Variants in CCDC40 observed in about 807,000 individuals in gnomAD.
The protein encoded by CCDC40 is coiled-coil domain-containing protein 40.
Under a neutral mutation model 124.5 loss-of-function variants are expected in CCDC40, and 104 were observed. The observed-to-expected ratio is 0.84, with a 90% CI of 0.71 to 0.98. CCDC40 has a LOEUF of 0.98. CCDC40 is among the 50% of genes least tolerant of loss of function. The pLI is 0.00. For missense variants in CCDC40, 1,463 were observed against 1,503.9 expected (o/e 0.97, Z 0.45); for synonymous variants, 580 against 602.9 (o/e 0.96, Z 0.56).
chr17:80,053,466 T>G (rs1307928516), intron 7 of CCDC40, among the ~76,000 whole-genome samples: 1 of 152,238 alleles, frequency 6.6e-6, no homozygotes, highest in African/African-American at 2.4e-5. Context: ...TTTCTGGCTT[T>G]CTTTTTGACC....
At chr17:80,040,377 T>A in intron 3 of CCDC40, 107 bp downstream of exon 3, 1 of 1,101,848 alleles carries the variant, frequency 9.1e-7, no homozygotes, top group Non-Finnish European at 1.3e-6. Context: ...TTGCAATCCC[T>A]GTTAGAAATG....
intron 9 of CCDC40, among the ~76,000 whole-genome samples, chr17:80,060,345 C>G (rs1215528098): frequency 6.6e-6 from 1 of 151,740 alleles, no homozygotes; most frequent in South Asian, 2.1e-4. Context: ...AAGTTCAAGA[C>G]CAGACTGGGC....
intron 10 of CCDC40, among the ~76,000 whole-genome samples, chr17:80,072,984 T>TTTAG (rs1568698333): frequency 6.7e-6 from 1 of 148,858 alleles, no homozygotes; most frequent in Non-Finnish European, 1.5e-5. Context: ...GTGGAATCGC[T>TTTAG]TTTGTTTGTT....
At chr17:80,049,879 A>G (rs776283836) in intron 5 of CCDC40, 27 bp from the exon 6 acceptor site, 1 of 1,604,682 alleles carries the variant, frequency 6.2e-7, no homozygotes, top group South Asian at 1.1e-5. Context: ...CAGAAAGGTA[A>G]CCACCTGTGG....
At chr17:80,095,553 G>A (rs2038796452) in intron 18 of CCDC40, 102 bp downstream of exon 18, 3 of 1,124,110 alleles carry the variant, frequency 2.7e-6, no homozygotes. Flanking sequence ...AGGATGCAGA[G>A]GCTGCAGTGG....
At chr17:80,092,643 C>T (rs1031904956) in intron 17 of CCDC40, among the ~76,000 whole-genome samples, 4 of 152,142 alleles carry the variant, frequency 2.6e-5, no homozygotes, top group African/African-American at 2.4e-5. Context: ...CAGGGTTTCG[C>T]TCTGTCACCC....
intron 10 of CCDC40, chr17:80,067,660 A>G (rs766719548): frequency 1.3e-6 from 2 of 1,536,084 alleles, no homozygotes; most frequent in South Asian, 2.4e-5. Flanking sequence ...GCTGCTGTAG[A>G]TAACCGGATC....
chr17:80,080,357 C>A (rs1032933519), intron 10 of CCDC40, among the ~76,000 whole-genome samples: 1 of 152,186 alleles, frequency 6.6e-6, no homozygotes, highest in Admixed American at 6.5e-5. Flanking sequence ...GAGGCAAGAT[C>A]GTGCCTCTGC....
intron 10 of CCDC40, 67 bp from the exon 11 acceptor site, chr17:80,081,479 C>T (rs2038447257): frequency 3.8e-5 from 61 of 1,604,250 alleles, no homozygotes; most frequent in East Asian, 1.8e-4. Context: ...TCGTGTGGGG[C>T]GCAGCTCTGT....
rs534098655 is a variant in CCDC40 at position 80,076,746 on chromosome 17, G to T, written c.1563-4800G>T. Among the ~76,000 whole-genome samples the T allele has an allele frequency of 1.0e-4, 15 of 146,942 alleles. No individual in the cohort carries two copies. In the East Asian group the frequency reaches 2.6e-3, roughly 25 times the overall value. On this transcript the variant is annotated intron_variant, in intron 10 of 19. Transcript: ENST00000397545. Reference sequence around the variant, plus strand: ...TTAGCATTTTTTAGCAATAAAGTTTGTTTTTTTTTTCTTTTTTAAAATAGA... The same window carrying T: ...TTAGCATTTTTTAGCAATAAAGTTTTTTTTTTTTTTCTTTTTTAAAATAGA...
chr17:80,064,198 C>T (rs1468666470), intron 9 of CCDC40, among the ~76,000 whole-genome samples: 1 of 152,192 alleles, frequency 6.6e-6, no homozygotes, highest in African/African-American at 2.4e-5. Context: ...ATGGTGTCTC[C>T]AGGGCGATGG....
At chr17:80,047,861 G>A (rs1261692997) in intron 4 of CCDC40, among the ~76,000 whole-genome samples, 1 of 152,192 alleles carries the variant, frequency 6.6e-6, no homozygotes, top group African/African-American at 2.4e-5. Flanking sequence ...GTATCCCAGT[G>A]TTGTGGACGT....
At chr17:80,060,764 C>T (rs1264174344) in intron 9 of CCDC40, among the ~76,000 whole-genome samples, 30 of 152,116 alleles carry the variant, frequency 2.0e-4, no homozygotes, top group Admixed American at 1.9e-3. Context: ...ACATTGAAGC[C>T]TATGAGAGAG....
In CCDC40 at chr17:80,087,995, C is replaced by A; in HGVS notation, c.2620-16C>A. On this transcript the variant is annotated splice_polypyrimidine_tract_variant and intron_variant, in intron 15 of 19. Coordinates refer to ENST00000397545, the MANE Select transcript of CCDC40 (RefSeq NM_017950.4). The surrounding 1 kb of genome is among the most constrained non-coding windows in gnomAD (Gnocchi z 4.5). ...ATGGCCCTCCCCACAGCTGTCCCGCCCCCTCCCCCATGCAGGCCTCTGAGA... is the reference window on the plus strand; with the variant it reads ...ATGGCCCTCCCCACAGCTGTCCCGCACCCTCCCCCATGCAGGCCTCTGAGA... The A allele has an allele frequency of 2.5e-6, 4 of 1,579,428 alleles. No homozygotes were observed. The highest frequency in any genetic ancestry group is 1.1e-5 in the South Asian group (1 of 90,400).
At chr17:80,038,575 C>G (rs190036151) in intron 2 of CCDC40, among the ~76,000 whole-genome samples, 95 of 152,080 alleles carry the variant, frequency 6.2e-4, no homozygotes, top group African/African-American at 2.2e-3. Context: ...GCCTGTAATT[C>G]CAGCACTTTG....
chr17:80,084,988 G>A lies in CCDC40; in HGVS notation c.2235G>A (p.Gly745=), dbSNP rs751821953. Residue 745 remains glycine, a splice_region_variant and synonymous_variant, in exon 13 of 20, where the codon GGG becomes GGA. Coordinates refer to ENST00000397545, the MANE Select transcript of CCDC40 (RefSeq NM_017950.4). ...TGGAGCGGATGGTCTCCGAGCTGGG[G>A]GTGAGGTCCCAGGCAGGGAGACGTG... ...KQLERMVSEL[G]GEEVGPLELE... 6 of 1,613,514 alleles carry A rather than the reference G, an allele frequency of 3.7e-6. No individual in the cohort carries two copies. The highest frequency in any genetic ancestry group is 1.1e-5 in the South Asian group (1 of 91,040).
At chr17:80,080,293 A>G (rs2038418744) in intron 10 of CCDC40, among the ~76,000 whole-genome samples, 1 of 152,174 alleles carries the variant, frequency 6.6e-6, no homozygotes, top group Admixed American at 6.5e-5. Context: ...CAAAATTCAA[A>G]TCCTCATGCT....
At chr17:80,091,478 C>T (rs2038722211) in intron 17 of CCDC40, among the ~76,000 whole-genome samples, 1 of 152,138 alleles carries the variant, frequency 6.6e-6, no homozygotes. Context: ...AGTCTAAGAC[C>T]TGAGAAGGAG....
rs748948064 is a variant in CCDC40 at position 80,084,857 on chromosome 17, G to A, written c.2104G>A (p.Val702Met). The change falls in exon 13 of 20, where the codon GTG (valine) becomes ATG (methionine). Residue 702 changes from valine (V) to methionine (M), a missense_variant. Val to Met is a conservative substitution (Grantham distance 21, BLOSUM62 1). Coordinates refer to ENST00000397545, the MANE Select transcript of CCDC40 (RefSeq NM_017950.4). ...GACCCTGGTGGAGCTGGACCAGGAC[G>A]TGAAGAAAGTCAACGAGCTCATCAC... The part of the protein sequence containing the change: ...QKTLVELDQD[V>M]KKVNELITNS... 1.4e-5 allele frequency: 23 copies of A among 1,614,052 alleles called. No homozygotes were observed. The African/African-American group carries it at 1.7e-4, about 12-fold the overall frequency.
Sources: gnomAD v4.1 joint callset for allele counts (sites outside exome capture counted in the v4.1 genomes callset) on GRCh38, gnomAD v4.1.1 for gene constraint, Gnocchi (gnomAD v3.1) non-coding constraint, MANE v1.5 for transcripts, NCBI Gene and HGNC (gene_info 2026-07-23, HGNC 2026-07-21) for gene names.